HNF4A: variants seen among roughly 807,000 people sequenced by gnomAD.
HNF4A encodes the protein hepatocyte nuclear factor 4 alpha, also known as hepatocyte nuclear factor 4-alpha.
Under a neutral mutation model 52.4 loss-of-function variants are expected in HNF4A, and 15 were observed. The observed-to-expected ratio is 0.29, with a 90% confidence interval of 0.19 to 0.44. HNF4A has a LOEUF of 0.44. HNF4A is among the 20% of genes least tolerant of loss of function. The pLI is 1.00. For missense variants in HNF4A, 479 were observed against 647.2 expected (o/e 0.74, Z 2.82); for synonymous variants, 280 against 264.4 (o/e 1.06, Z -0.57).
chr20:44,414,519 G>A lies in HNF4A; in HGVS notation c.505G>A (p.Val169Ile), dbSNP rs142204928. Reference sequence around the variant, plus strand: ...GTATCTCTCGAAGATCACCTCCCCCGTCTCCGGGATCAACGGCGACATTCG... The same window carrying A: ...GTATCTCTCGAAGATCACCTCCCCCATCTCCGGGATCAACGGCGACATTCG... The change falls in exon 5 of 10, where the codon GTC (valine) becomes ATC (isoleucine). Residue 169 changes from valine (V) to isoleucine (I), a missense_variant. Around this residue, in one of 3 missense-constraint regions of HNF4A, gnomAD observed 389 missense variants for 525.1 expected, o/e 0.74. Transcript: ENST00000316099. 9.6e-4 allele frequency: 1,548 copies of A among 1,614,194 alleles called. 20 individuals are homozygous for A. In the South Asian group the frequency reaches 0.012, roughly 13 times the overall value.
At chr20:44,387,220 G>A (rs1009264897) in intron 1 of HNF4A, among the ~76,000 whole-genome samples, 4 of 150,710 alleles carry the variant, frequency 2.7e-5, no homozygotes, top group South Asian at 2.1e-4. Context: ...CCTGGGAGGC[G>A]GAGGTTGCAG....
rs72137187 is a variant in HNF4A, at chr20:44,430,597, TGAGGAAGAATGGTGTGGGA to T, written c.*937_*955del. On this transcript the variant is annotated 3_prime_UTR_variant, in exon 10 of 10. Coordinates refer to ENST00000316099, the MANE Select transcript of HNF4A (RefSeq NM_000457.6). ...GTGGTAGTAAGAATCTAGCAAGAAT[TGAGGAAGAATGGTGTGGGA>T]GAGGGATGATGAAGAGAGAGAGGGC... 0.17 allele frequency: 26,588 copies of T among 152,294 alleles called. 2,370 individuals are homozygous for T. Among genetic ancestry groups the T allele is most frequent in the East Asian group, 0.26 (1,375 of 5,258 alleles). The allele number at this position is 152,294 out of a possible 1,614,324, so 9.4% of individuals were successfully genotyped here.
rs2063064506 is a variant in HNF4A, at chr20:44,374,445, G to C, written c.49+18592G>C. Among the ~76,000 whole-genome samples the C allele has an allele frequency of 2.6e-5, 4 of 152,168 alleles. No homozygotes were observed. The South Asian group carries it at 8.3e-4, about 32-fold the overall frequency. ...CCATTCCACTGCTGATGGGCACTTAGGTTGATTCCATGTCTTTCTACTGTT... is the reference window on the plus strand; with the variant it reads ...CCATTCCACTGCTGATGGGCACTTACGTTGATTCCATGTCTTTCTACTGTT... On this transcript the variant is annotated intron_variant, in intron 1 of 9. Transcript: ENST00000316673.
intron 1 of HNF4A, among the ~76,000 whole-genome samples, chr20:44,387,568 T>C (rs1316054746): frequency 6.7e-6 from 1 of 148,400 alleles, no homozygotes; most frequent in South Asian, 2.2e-4. Context: ...AATGTACATT[T>C]GTACAAGATC....
chr20:44,382,228 T>G (rs958133809), intron 1 of HNF4A, among the ~76,000 whole-genome samples: 8 of 115,990 alleles, frequency 6.9e-5, no homozygotes, highest in African/African-American at 2.0e-4. Flanking sequence ...GGCATAGCTT[T>G]CTTTCTTTCT....
intron 1 of HNF4A, among the ~76,000 whole-genome samples, chr20:44,363,151 C>T (rs976662005): frequency 1.9e-4 from 29 of 152,070 alleles, no homozygotes; most frequent in Admixed American, 1.8e-3. Flanking sequence ...CCACTGCGCC[C>T]GGCCGACCCA....
chr20:44,407,334 G>A (rs1019159742), intron 2 of HNF4A, 47 bp from the exon 3 acceptor site: 1 of 1,400,110 alleles, frequency 7.1e-7, no homozygotes, highest in Admixed American at 1.8e-5. Flanking sequence ...TGTCCTAAGA[G>A]GAGGAAGTTG....
At chr20:44,355,819 C>G in exon 1 of HNF4A, 1 of 1,613,732 alleles carries the variant, frequency 6.2e-7, no homozygotes, top group Non-Finnish European at 8.5e-7. Context: ...TCAGCGTGAA[C>G]GCGCCCCTCG....
rs559006042 is a variant in HNF4A at position 44,375,396 on chromosome 20, G to A, written c.49+19543G>A. On this transcript the variant is annotated intron_variant, in intron 1 of 9. Coordinates refer to the HNF4A transcript ENST00000316673. ...TTGATAGTTTCTTTTGCTGTGTAGA[G>A]GCTCTTTAGTTTAATTAGGTGTCAC... 9.1e-4 allele frequency among the ~76,000 whole-genome samples: 139 copies of A among 152,090 alleles called. 6 individuals are homozygous for A. In the South Asian group the frequency reaches 0.028, roughly 31 times the overall value.
chr20:44,403,680 A>G (rs1188285411), intron 1 of HNF4A, among the ~76,000 whole-genome samples: 1 of 152,108 alleles, frequency 6.6e-6, no homozygotes, highest in East Asian at 1.9e-4. Flanking sequence ...AGACACCTCA[A>G]CATGTGTGGC....
At chr20:44,399,755 C>T (rs1360878823), upstream of HNF4A, among the ~76,000 whole-genome samples, 1 of 152,154 alleles carries the variant, frequency 6.6e-6, no homozygotes, top group Non-Finnish European at 1.5e-5. Flanking sequence ...CATGCATTCA[C>T]TCAACTCACT....
At chr20:44,415,221 G>A (rs961455907) in intron 5 of HNF4A, among the ~76,000 whole-genome samples, 8 of 152,144 alleles carry the variant, frequency 5.3e-5, no homozygotes. Context: ...TGAGGACATT[G>A]GTGTCTGAAA....
rs1222513643 is a variant in HNF4A at position 44,388,789 on chromosome 20, G to T, written c.50-17269G>T. ...TCCGGCCCAGCGCGGTGCCTGCCCTGCCCTGCGCCCTGGGGCAACCGCGGG... is the reference window on the plus strand; with the variant it reads ...TCCGGCCCAGCGCGGTGCCTGCCCTTCCCTGCGCCCTGGGGCAACCGCGGG... On this transcript the variant is annotated intron_variant, in intron 1 of 9. Coordinates refer to the HNF4A transcript ENST00000316673. 2.0e-5 allele frequency among the ~76,000 whole-genome samples: 3 copies of T among 152,224 alleles called. No individual in the cohort carries two copies. The East Asian group carries it at 5.8e-4, about 29-fold the overall frequency.
At chr20:44,408,355 A>G (rs1234061617) in intron 3 of HNF4A, among the ~76,000 whole-genome samples, 1 of 152,104 alleles carries the variant, frequency 6.6e-6, no homozygotes, top group Non-Finnish European at 1.5e-5. Context: ...CTATTATTTT[A>G]TGCTCTCCAG....
chr20:44,363,057 T>C (rs1025132384), intron 1 of HNF4A, among the ~76,000 whole-genome samples: 2 of 151,992 alleles, frequency 1.3e-5, no homozygotes, highest in African/African-American at 4.8e-5. Context: ...GGTTTCACCA[T>C]GTTCGCCAGG....
At chr20:44,386,837 T>G (rs2063230553) in intron 1 of HNF4A, among the ~76,000 whole-genome samples, 1 of 152,224 alleles carries the variant, frequency 6.6e-6, no homozygotes, top group African/African-American at 2.4e-5. Context: ...GCACATACGA[T>G]TTTTAAATCT....
chr20:44,375,286 G>T (rs1296551331), intron 1 of HNF4A, among the ~76,000 whole-genome samples: 1 of 151,716 alleles, frequency 6.6e-6, no homozygotes, highest in East Asian at 1.9e-4. Context: ...GCTCCTTGTA[G>T]AATTGCTAAG....
At position 44,360,722 on chromosome 20, in the gene HNF4A, A is replaced by T. The variant is rs16988987; in HGVS notation, c.49+4869A>T. On this transcript the variant is annotated intron_variant, in intron 1 of 9. Transcript: ENST00000316673. ...TGTTTTTAAGTGCCAGGTGAGCCTA[A>T]TTTTTCCTAGCTATGTAGGCCTAGT... Among the ~76,000 whole-genome samples, 955 of 152,242 alleles carry T rather than the reference A, an allele frequency of 6.3e-3. 6 individuals are homozygous for T. Among genetic ancestry groups the T allele is most frequent in the African/African-American group, 0.022 (909 of 41,542 alleles).
chr20:44,376,017 C>T (rs546510066), intron 1 of HNF4A, among the ~76,000 whole-genome samples: 1 of 152,214 alleles, frequency 6.6e-6, no homozygotes, highest in East Asian at 1.9e-4. Context: ...GAGGTTGAGG[C>T]AGGCGGATCA....
Sources: gnomAD v4.1 joint callset for allele counts (sites outside exome capture counted in the v4.1 genomes callset) on GRCh38, gnomAD v4.1.1 for gene constraint, gnomAD v4.1.1 regional missense constraint, MANE v1.5 for transcripts, NCBI Gene and HGNC (gene_info 2026-07-23, HGNC 2026-07-21) for gene names.